The following G3BP1 variants were observed in gnomAD, a reference collection of about 807,000 sequenced individuals.
G3BP1 encodes G3BP stress granule assembly factor 1, also known as ras GTPase-activating protein-binding protein 1.
In G3BP1, 35 loss-of-function variants were observed where a neutral mutation model predicts 58.6. The ratio of observed to expected loss-of-function variants is 0.60; its 90% CI spans 0.46 to 0.79. G3BP1 has a LOEUF of 0.79. Among genes scored for constraint, G3BP1 ranks in the 30% least tolerant of loss-of-function variants. G3BP1 has a pLI of 0.00. For synonymous variants in G3BP1, 191 were observed against 195.4 expected, an observed-to-expected ratio of 0.98 and a Z score of 0.19; for missense variants, 523 against 580.8, an observed-to-expected ratio of 0.90 and a Z score of 1.02.
chr5:151,795,865 A>G (rs1488691003), intron 6 of G3BP1, among the ~76,000 whole-genome samples: 3 of 152,182 alleles, frequency 2.0e-5, no homozygotes, highest in African/African-American at 4.8e-5. Flanking sequence ...TTGTTTATCA[A>G]GAGTTGAATG....
rs1033401646 is a variant in G3BP1 at position 151,806,426 on chromosome 5, C to T, written c.*2335C>T. The T allele has an allele frequency of 6.6e-6, 1 of 152,152 alleles. No individual in the cohort carries two copies. Among genetic ancestry groups the T allele is most frequent in the African/African-American group, 2.4e-5 (1 of 41,420 alleles). The allele number at this position is 152,152 out of a possible 1,614,324, so 9.4% of individuals were successfully genotyped here. On this transcript the variant is annotated 3_prime_UTR_variant, in exon 12 of 12. Transcript: ENST00000356245. ...GCTTGTAATTTGTTGCAGGGAATTA[C>T]TGCACAATCTCAGAAAATAGAAAGC...
intron 1 of G3BP1, among the ~76,000 whole-genome samples, chr5:151,773,579 C>T (rs1329031839): frequency 6.6e-6 from 1 of 152,128 alleles, no homozygotes; most frequent in Admixed American, 6.5e-5. Flanking sequence ...TACTCCTTGG[C>T]TTAGTGAAAT....
chr5:151,803,061 A>G (rs183668603), intron 11 of G3BP1, among the ~76,000 whole-genome samples: 1 of 152,232 alleles, frequency 6.6e-6, no homozygotes, highest in African/African-American at 2.4e-5. Context: ...ATATATTGAA[A>G]TGTTTCGTAG....
intron 1 of G3BP1, among the ~76,000 whole-genome samples, chr5:151,774,781 C>G (rs998405439): frequency 6.6e-6 from 1 of 151,820 alleles, no homozygotes; most frequent in African/African-American, 2.4e-5. Flanking sequence ...GGAAAAATCT[C>G]TGGTAGTGCA....
chr5:151,790,351 C>T lies in G3BP1; in HGVS notation c.124C>T (p.His42Tyr). 6.3e-7 allele frequency: 1 copy of T among 1,577,088 alleles called. No individual in the cohort carries two copies. The highest frequency in any genetic ancestry group is 8.6e-7 in the Non-Finnish European group (1 of 1,159,240). Residue 42 changes from histidine (H) to tyrosine (Y), a missense_variant, in exon 3 of 12, where the codon CAT becomes TAT. Transcript: ENST00000356245. ...RFYGKNSSYV[H>Y]GGLDSNGKPA... The stretch of plus-strand genomic sequence containing the variant: ...TTATGGAAAGAACTCTTCTTATGTC[C>T]ATGGGGGATTGGATTCAAATGGAAA...
intron 2 of G3BP1, chr5:151,787,927 G>GTA (rs1762578769): frequency 1.1e-5 from 2 of 175,038 alleles, no homozygotes; most frequent in Non-Finnish European, 2.5e-5. Context: ...GTGTGTGTGT[G>GTA]TGTGAGAGAG....
chr5:151,785,007 G>C (rs751700626), intron 1 of G3BP1, among the ~76,000 whole-genome samples: 1 of 152,192 alleles, frequency 6.6e-6, no homozygotes, highest in Non-Finnish European at 1.5e-5. Flanking sequence ...ACTCAAAGTA[G>C]AATGTTTGGA....
chr5:151,790,868 T>A, intron 3 of G3BP1, 21 bp from the exon 4 acceptor site: 1 of 1,361,180 alleles, frequency 7.3e-7, no homozygotes, highest in Non-Finnish European at 1.0e-6. Flanking sequence ...TGATTATTAT[T>A]ATTATTATTA....
intron 1 of G3BP1, among the ~76,000 whole-genome samples, chr5:151,777,322 A>G (rs1762390043): frequency 6.6e-6 from 1 of 152,252 alleles, no homozygotes; most frequent in East Asian, 1.9e-4. Context: ...TAGTACACAC[A>G]AACACTTGCT....
chr5:151,797,215 T>C lies in G3BP1; in HGVS notation c.540-12T>C, dbSNP rs757698984. ...GTGGCAGAATGATATTTCTCAAATT[T>C]TCCTGTCAAAGTAATGACATGGAAG... On this transcript the variant is annotated splice_polypyrimidine_tract_variant and intron_variant, in intron 6 of 11. Coordinates refer to ENST00000356245, the MANE Select transcript of G3BP1 (RefSeq NM_005754.3). 2.5e-6 allele frequency: 4 copies of C among 1,612,412 alleles called. No individual in the cohort carries two copies. In the East Asian group the frequency reaches 8.9e-5, roughly 36 times the overall value.
Position 151,795,723 on chromosome 5 carries a change from C to G in G3BP1, c.539+148C>G, listed in dbSNP as rs575319281. 3.4e-5 allele frequency: 18 copies of G among 523,264 alleles called. No homozygotes were observed. In the African/African-American group the frequency reaches 3.5e-4, roughly 10 times the overall value. The allele number at this position is 523,264 out of a possible 1,614,324, so 32.4% of individuals were successfully genotyped here. A position where few individuals can be genotyped will look rare whatever the true frequency, so the allele number is the denominator to read the frequency against. ...ATGGTTTTGTTTCTGGTAATTTTGA[C>G]TAAACAAAAATATGTAACTTGTTTG... On this transcript the variant is annotated intron_variant, in intron 6 of 11. Transcript: ENST00000356245.
intron 6 of G3BP1, 66 bp downstream of exon 6, chr5:151,795,641 G>A: frequency 1.4e-6 from 1 of 731,688 alleles, no homozygotes; most frequent in Non-Finnish European, 2.4e-6. Context: ...CTTTCCCTTT[G>A]TTGGAGGGCA....
At chr5:151,778,698 T>C (rs979578202) in intron 1 of G3BP1, among the ~76,000 whole-genome samples, 7 of 151,536 alleles carry the variant, frequency 4.6e-5, no homozygotes, top group Non-Finnish European at 1.0e-4. Flanking sequence ...CTCCTCGGCC[T>C]CCCAAAGTGC....
intron 2 of G3BP1, among the ~76,000 whole-genome samples, chr5:151,789,862 A>G (rs12654935): frequency 6.6e-6 from 1 of 152,170 alleles, no homozygotes; most frequent in Admixed American, 6.5e-5. Flanking sequence ...ATGATTGCAT[A>G]CAAAGATGAA....
intron 1 of G3BP1, among the ~76,000 whole-genome samples, chr5:151,784,237 C>G (rs993392354): frequency 1.3e-5 from 2 of 152,158 alleles, no homozygotes; most frequent in Non-Finnish European, 2.9e-5. Context: ...CTGAGACTTT[C>G]AGGAATGTGC....
At chr5:151,789,008 C>A (rs535022019) in intron 2 of G3BP1, among the ~76,000 whole-genome samples, 1 of 152,274 alleles carries the variant, frequency 6.6e-6, no homozygotes, top group South Asian at 2.1e-4. Context: ...CTTCCGACTT[C>A]AGGTGATCCG....
intron 2 of G3BP1, among the ~76,000 whole-genome samples, chr5:151,788,568 T>TTGTGTG (rs1484426603): frequency 7.4e-5 from 5 of 67,442 alleles, no homozygotes; most frequent in East Asian, 1.2e-3. Context: ...CCAGCTAAGT[T>TTGTGTG]TATATGTGTG....
rs116401970 is a variant in G3BP1, at chr5:151,792,841, C to T, written c.352-1318C>T. ...TGTTGCCCAGGCTAGTCTCAAACTC[C>T]TGGGCTTAAGCAGTTCTCCTACCTC... is the stretch of plus-strand genomic sequence containing the variant. On this transcript the variant is annotated intron_variant, in intron 4 of 11. Coordinates refer to ENST00000356245, the MANE Select transcript of G3BP1 (RefSeq NM_005754.3). Among the ~76,000 whole-genome samples the T allele has an allele frequency of 4.4e-3, 674 of 152,288 alleles. 3 individuals carry two copies. Among genetic ancestry groups the T allele is most frequent in the African/African-American group, 0.014 (599 of 41,570 alleles).
intron 7 of G3BP1, among the ~76,000 whole-genome samples, chr5:151,798,029 A>T (rs1281468846): frequency 1.3e-5 from 2 of 152,222 alleles, no homozygotes; most frequent in African/African-American, 4.8e-5. Flanking sequence ...TTATAGGCTC[A>T]GGGTTATGTC....
Sources: gnomAD v4.1 joint callset for allele counts (sites outside exome capture counted in the v4.1 genomes callset) on GRCh38, gnomAD v4.1.1 for gene constraint, MANE v1.5 for transcripts, NCBI Gene and HGNC (gene_info 2026-07-23, HGNC 2026-07-21) for gene names.